IKZF1: variants seen among roughly 807,000 people sequenced by gnomAD.
IKZF1 encodes the protein DNA-binding protein Ikaros.
IKZF1 carries 10 observed loss-of-function variants against 51.7 expected under a neutral mutation model. The ratio of observed to expected loss-of-function variants is 0.19; its 90% CI spans 0.12 to 0.33. IKZF1 has a LOEUF of 0.33. IKZF1 is among the 10% of genes least tolerant of loss of function. IKZF1 has a pLI of 1.00. For synonymous variants in IKZF1, 280 were observed against 282.3 expected (o/e 0.99, Z 0.08); for missense variants, 484 against 707.5 (o/e 0.68, Z 3.58).
At position 50,400,161 on chromosome 7, in the gene IKZF1, C is replaced by T. The variant is rs997862665; in HGVS notation, c.1094C>T (p.Ala365Val). ...AEGTPRSNHSAQDSAVENLLL... is the reference protein window; with the variant it reads ...AEGTPRSNHSVQDSAVENLLL... ...GGCACCCCGCGCTCCAACCACTCGG[C>T]CCAGGACAGCGCCGTGGAGAACCTG... is the stretch of plus-strand genomic sequence containing the variant. The change falls in exon 8 of 8, where the codon GCC (alanine) becomes GTC (valine). Residue 365 changes from alanine to valine, a missense_variant. Ala to Val is a moderately conservative substitution (Grantham distance 64). Transcript: ENST00000331340. This position sits in a 1 kb window ranked among gnomAD's most constrained non-coding sequence, Gnocchi z 5.4. 4.5e-6 allele frequency: 7 copies of T among 1,562,928 alleles called. No homozygotes were observed. Among genetic ancestry groups the T allele is most frequent in the African/African-American group, 1.4e-5 (1 of 73,538 alleles).
intron 3 of IKZF1, among the ~76,000 whole-genome samples, chr7:50,351,235 T>G (rs1287563251): frequency 6.6e-6 from 1 of 152,214 alleles, no homozygotes; most frequent in Admixed American, 6.5e-5. Flanking sequence ...GGGAGTAGAT[T>G]TAACCATTAT....
chr7:50,364,226 T>C (rs1374207980), intron 3 of IKZF1, among the ~76,000 whole-genome samples: 1 of 152,216 alleles, frequency 6.6e-6, no homozygotes, highest in Non-Finnish European at 1.5e-5. Flanking sequence ...TTTATAATTT[T>C]ATGCACAGCT....
chr7:50,327,661 G>A lies in IKZF1; in HGVS notation c.64G>A (p.Asp22Asn), dbSNP rs1245618829. 22 of 1,613,098 alleles carry A rather than the reference G, an allele frequency of 1.4e-5. No individual in the cohort carries two copies. Among genetic ancestry groups the A allele is most frequent in the East Asian group, 4.5e-5 (2 of 44,820 alleles). ...VSGKESPPVS[D>N]TPDEGDEPMP... ...AGGGAAGGAAAGCCCCCCTGTAAGC[G>A]ATACTCCAGATGAGGGCGATGAGCC... is the stretch of plus-strand genomic sequence containing the variant. The change falls in exon 3 of 8, where the codon GAT (aspartate) becomes AAT (asparagine). Residue 22 changes from aspartate to asparagine, a missense_variant. Asp to Asn is a conservative substitution (Grantham distance 23). Around this residue, in one of 6 missense-constraint regions of IKZF1, gnomAD observed 118 missense variants for 138.4 expected, o/e 0.85. Coordinates refer to ENST00000331340, the MANE Select transcript of IKZF1 (RefSeq NM_006060.6).
chr7:50,340,286 C>G (rs1798774106), intron 3 of IKZF1, among the ~76,000 whole-genome samples: 1 of 152,220 alleles, frequency 6.6e-6, no homozygotes, highest in African/African-American at 2.4e-5. Flanking sequence ...CTCAGAGAGA[C>G]AGGTCTAGGG....
chr7:50,336,185 G>A (rs878890796), intron 3 of IKZF1, among the ~76,000 whole-genome samples: 4 of 152,290 alleles, frequency 2.6e-5, no homozygotes, highest in African/African-American at 9.6e-5. Context: ...AGAAGACTCA[G>A]TTGGCAAACG....
chr7:50,323,872 A>G (rs1562736769), intron 2 of IKZF1, among the ~76,000 whole-genome samples: 1 of 152,118 alleles, frequency 6.6e-6, no homozygotes. Flanking sequence ...CTTCACCGCA[A>G]CCCTGTGGGA....
chr7:50,334,621 CTG>C (rs1797199457), intron 3 of IKZF1, among the ~76,000 whole-genome samples: 1 of 147,856 alleles, frequency 6.8e-6, no homozygotes, highest in Non-Finnish European at 1.5e-5. Flanking sequence ...TATGTGTGTG[CTG>C]TGTATATGTG....
At chr7:50,356,265 C>A (rs7806674) in intron 3 of IKZF1, among the ~76,000 whole-genome samples, 1 of 152,018 alleles carries the variant, frequency 6.6e-6, no homozygotes, top group African/African-American at 2.4e-5. Context: ...AACAGAATGG[C>A]CTTCTAGAAC....
At chr7:50,341,515 A>G (rs1799067861) in intron 3 of IKZF1, among the ~76,000 whole-genome samples, 1 of 152,064 alleles carries the variant, frequency 6.6e-6, no homozygotes, top group Non-Finnish European at 1.5e-5. Flanking sequence ...AGACGCAACA[A>G]CGTTGAACAG....
At chr7:50,396,524 G>A (rs1454799500) in intron 7 of IKZF1, among the ~76,000 whole-genome samples, 1 of 152,072 alleles carries the variant, frequency 6.6e-6, no homozygotes, top group African/African-American at 2.4e-5. Flanking sequence ...TGGAATTAAC[G>A]ATTTTTTCCC....
intron 3 of IKZF1, among the ~76,000 whole-genome samples, chr7:50,330,795 A>T (rs1195680057): frequency 2.0e-5 from 3 of 152,194 alleles, no homozygotes; most frequent in Non-Finnish European, 4.4e-5. Flanking sequence ...AGTGCAAAGG[A>T]CTGTAAGGAG....
intron 3 of IKZF1, among the ~76,000 whole-genome samples, chr7:50,341,422 T>C (rs1030061250): frequency 2.6e-5 from 4 of 152,128 alleles, no homozygotes; most frequent in Non-Finnish European, 1.5e-5. Context: ...GGATTACAGA[T>C]GTGAGGCACC....
At chr7:50,358,161 C>G (rs1804057539) in intron 3 of IKZF1, among the ~76,000 whole-genome samples, 1 of 151,950 alleles carries the variant, frequency 6.6e-6, no homozygotes, top group South Asian at 2.1e-4. Context: ...CAGATATTTC[C>G]TGGTAAATGG....
In IKZF1 at chr7:50,376,677, C is replaced by G. The variant is rs776572250; in HGVS notation, c.305C>G (p.Ser102Trp). Reference protein sequence around the residue: ...MNGSHRDQGSSALSGVGGIRL... With the variant: ...MNGSHRDQGSWALSGVGGIRL... ...GGCTCCCACAGGGACCAAGGCAGCTCGGCTTTGTCGGGAGTTGGAGGCATT... is the reference window on the plus strand; with the variant it reads ...GGCTCCCACAGGGACCAAGGCAGCTGGGCTTTGTCGGGAGTTGGAGGCATT... The change falls in exon 4 of 8, where the codon TCG (serine) becomes TGG (tryptophan). Residue 102 changes from serine to tryptophan, a missense_variant. By Grantham distance (177) the Ser-to-Trp change is radical. Coordinates refer to ENST00000331340, the MANE Select transcript of IKZF1 (RefSeq NM_006060.6). The surrounding 1 kb of genome is among the most constrained non-coding windows in gnomAD (Gnocchi z 4.5). 1 of 1,613,922 alleles carries G rather than the reference C, an allele frequency of 6.2e-7. No individual in the cohort carries two copies. The highest frequency in any genetic ancestry group is 8.5e-7 in the Non-Finnish European group (1 of 1,179,876).
intron 1 of IKZF1, among the ~76,000 whole-genome samples, chr7:50,307,601 T>C (rs915692069): frequency 6.6e-6 from 1 of 152,220 alleles, no homozygotes; most frequent in African/African-American, 2.4e-5. Flanking sequence ...TGCTGAATAA[T>C]CATTCCATTT....
chr7:50,305,242 G>C (rs1322368090), intron 1 of IKZF1, among the ~76,000 whole-genome samples: 3 of 152,182 alleles, frequency 2.0e-5, no homozygotes, highest in African/African-American at 7.2e-5. Context: ...CCTTTATAAA[G>C]TCGTGTGTAA....
At chr7:50,374,325 G>A (rs1261825322) in intron 3 of IKZF1, among the ~76,000 whole-genome samples, 2 of 152,140 alleles carry the variant, frequency 1.3e-5, no homozygotes, top group East Asian at 3.9e-4. Context: ...GCCATTTTAG[G>A]GACTTGCACA....
At chr7:50,353,177 A>ATGCCTC (rs1802313155) in intron 3 of IKZF1, among the ~76,000 whole-genome samples, 1 of 152,254 alleles carries the variant, frequency 6.6e-6, no homozygotes, top group Non-Finnish European at 1.5e-5. Context: ...CACAGGAGGC[A>ATGCCTC]GGGAGAGCAA....
At chr7:50,395,061 C>T (rs897735523) in intron 7 of IKZF1, among the ~76,000 whole-genome samples, 2 of 152,048 alleles carry the variant, frequency 1.3e-5, no homozygotes, top group South Asian at 2.1e-4. Flanking sequence ...AAAAAGAAAC[C>T]CTGTTATATT....
Sources: allele counts gnomAD v4.1 joint callset (sites outside exome capture counted in the v4.1 genomes callset), GRCh38; gene constraint gnomAD v4.1.1; regional missense constraint gnomAD v4.1.1; non-coding constraint Gnocchi (gnomAD v3.1); transcripts MANE v1.5; gene names NCBI Gene and HGNC (gene_info 2026-07-23, HGNC 2026-07-21).